The following BMP3 variants were observed in gnomAD, a reference collection of about 807,000 sequenced individuals.
BMP3 encodes the protein bone morphogenetic protein 3, also known as bone morphogenetic protein 3 (osteogenic).
In BMP3, 23 loss-of-function variants were observed where a neutral mutation model predicts 38.1. The observed-to-expected ratio is 0.60, with a 90% CI of 0.43 to 0.86. BMP3 has a LOEUF of 0.86. Among genes scored for constraint, BMP3 ranks in the 40% least tolerant of loss-of-function variants. BMP3 has a pLI of 0.00. For missense variants in BMP3, 628 were observed against 579.6 expected, an observed-to-expected ratio of 1.08 and a Z score of -0.86; for synonymous variants, 258 against 225.7, an observed-to-expected ratio of 1.14 and a Z score of -1.28.
At chr4:81,047,689 G>T (rs1489778972) in intron 2 of BMP3, among the ~76,000 whole-genome samples, 2 of 152,094 alleles carry the variant, frequency 1.3e-5, no homozygotes, top group Non-Finnish European at 2.9e-5. Flanking sequence ...ACCAACTTCT[G>T]CTTATGCATC....
intron 2 of BMP3, among the ~76,000 whole-genome samples, chr4:81,050,101 G>C (rs182865307): frequency 6.6e-6 from 1 of 152,294 alleles, no homozygotes; most frequent in East Asian, 1.9e-4. Context: ...GATAGTTTCT[G>C]GGCTATCACA....
rs774674756 is a variant in BMP3 at position 81,046,443 on chromosome 4, G to A, written c.1022G>A (p.Gly341Glu). 6.2e-7 allele frequency: 1 copy of A among 1,613,804 alleles called. No homozygotes were observed. Among genetic ancestry groups the A allele is most frequent in the South Asian group, 1.1e-5 (1 of 91,066 alleles). Residue 341 changes from glycine to glutamate, a missense_variant, in exon 2 of 3, where the codon GGG (glycine) becomes GAG (glutamate). Coordinates refer to ENST00000282701, the MANE Select transcript of BMP3 (RefSeq NM_001201.5). The part of the protein sequence containing the change: ...KSKNKKKQRK[G>E]PHRKSQTLQF... The stretch of plus-strand genomic sequence containing the variant: ...AAGAATAAAAAGAAACAGAGAAAGG[G>A]GCCTCATCGGAAGAGCCAGACGCTC...
intron 1 of BMP3, among the ~76,000 whole-genome samples, chr4:81,043,217 G>T (rs558983198): frequency 6.6e-6 from 1 of 152,308 alleles, no homozygotes; most frequent in Non-Finnish European, 1.5e-5. Context: ...AAGGGCTTAG[G>T]CTCTGGTGAC....
In BMP3 at chr4:81,053,605, T is replaced by TTTG. The variant is rs1740460849; in HGVS notation, c.*71_*72insGTT. The TTTG allele has an allele frequency of 1.4e-6, 1 of 689,762 alleles. No homozygotes were observed. Among genetic ancestry groups the TTTG allele is most frequent in the African/African-American group, 1.9e-5 (1 of 52,524 alleles). 42.7% of individuals were successfully genotyped at this position (689,762 alleles called of 1,614,324 possible). A position where few individuals can be genotyped will look rare whatever the true frequency, so the allele number is the denominator to read the frequency against. On this transcript the variant is annotated 3_prime_UTR_variant, in exon 3 of 3. Transcript: ENST00000282701. ...TATTTTTATGGACTTCTTCCTGTTT[T>TTTG]TTTTTTTTTTTTTTTTGCACTGCCA... is the stretch of plus-strand genomic sequence containing the variant.
intron 1 of BMP3, among the ~76,000 whole-genome samples, chr4:81,035,874 A>G (rs928231847): frequency 1.1e-4 from 17 of 152,092 alleles, no homozygotes; most frequent in African/African-American, 3.9e-4. Context: ...TTTCTCCTGG[A>G]GAAAGCATTT....
chr4:81,042,766 T>C (rs1740114104), intron 1 of BMP3, among the ~76,000 whole-genome samples: 1 of 152,248 alleles, frequency 6.6e-6, no homozygotes, highest in Non-Finnish European at 1.5e-5. Context: ...AGCATGTTTG[T>C]TTGGCAACCA....
chr4:81,032,259 G>C (rs978873924), intron 1 of BMP3, among the ~76,000 whole-genome samples: 1 of 145,702 alleles, frequency 6.9e-6, no homozygotes, highest in Non-Finnish European at 1.5e-5. Context: ...ACGCATCTGG[G>C]TAAACAGGGG....
chr4:81,050,137 T>C (rs1740367619), intron 2 of BMP3, among the ~76,000 whole-genome samples: 1 of 152,242 alleles, frequency 6.6e-6, no homozygotes, highest in Non-Finnish European at 1.5e-5. Context: ...CTGGAAGAAT[T>C]GTGGAGTAAA....
intron 2 of BMP3, among the ~76,000 whole-genome samples, chr4:81,051,480 T>TA (rs1389242130): frequency 6.6e-6 from 1 of 152,178 alleles, no homozygotes; most frequent in African/African-American, 2.4e-5. Flanking sequence ...CATTAAACAT[T>TA]AAAATAACAG....
In BMP3 at chr4:81,056,343, C is replaced by CA. The variant is rs1553914359; in HGVS notation, c.*2807_*2808insA. On this transcript the variant is annotated 3_prime_UTR_variant, in exon 3 of 3. Transcript: ENST00000282701. Reference sequence around the variant, plus strand: ...GTTACTGAAAAAAATAATTCTTTTTCTTTTTTTTTTTAAATGGAGTTTCAC... The same window carrying CA: ...GTTACTGAAAAAAATAATTCTTTTTCATTTTTTTTTTTAAATGGAGTTTCAC... The CA allele has an allele frequency of 1.4e-5, 2 of 146,204 alleles. No homozygotes were observed. The highest frequency in any genetic ancestry group is 2.5e-5 in the African/African-American group (1 of 39,960). The allele number at this position is 146,204 out of a possible 1,614,324, so 9.1% of individuals were successfully genotyped here.
At chr4:81,045,423 G>C (rs867047786) in intron 1 of BMP3, among the ~76,000 whole-genome samples, 9 of 151,134 alleles carry the variant, frequency 6.0e-5, no homozygotes, top group African/African-American at 2.2e-4. Flanking sequence ...TCACTTTCTT[G>C]ACAATGTCTT....
At chr4:81,033,597 G>A (rs1049103954) in intron 1 of BMP3, among the ~76,000 whole-genome samples, 2 of 152,180 alleles carry the variant, frequency 1.3e-5, no homozygotes, top group Admixed American at 6.5e-5. Context: ...GGAAGCTTAA[G>A]TGTCATGTTA....
chr4:81,038,409 G>A (rs1007343157), intron 1 of BMP3, among the ~76,000 whole-genome samples: 1 of 152,092 alleles, frequency 6.6e-6, no homozygotes, highest in Non-Finnish European at 1.5e-5. Flanking sequence ...ACCTAGCACA[G>A]TTTGCCATGT....
rs1219270540 is a variant in BMP3 at position 81,056,281 on chromosome 4, AC to A, written c.*2749del. ...CTCTTCCCCCACAAGTAATCTCTCT[AC>A]CCCATGCAGTGTGCACACACACACA... On this transcript the variant is annotated 3_prime_UTR_variant, in exon 3 of 3. Transcript: ENST00000282701. 6.6e-6 allele frequency: 1 copy of A among 150,830 alleles called. No homozygotes were observed. The highest frequency in any genetic ancestry group is 1.5e-5 in the Non-Finnish European group (1 of 67,816). The allele number at this position is 150,830 out of a possible 1,614,324, so 9.3% of individuals were successfully genotyped here.
chr4:81,037,126 T>C (rs552515916), intron 1 of BMP3, among the ~76,000 whole-genome samples: 63 of 152,170 alleles, frequency 4.1e-4, no homozygotes, highest in African/African-American at 1.4e-3. Flanking sequence ...TTCTTTTTAC[T>C]TTACTAAGGT....
chr4:81,046,407 C>G lies in BMP3; in HGVS notation c.986C>G (p.Pro329Arg). The change falls in exon 2 of 3, where the codon CCT becomes CGT. Residue 329 changes from proline to arginine, a missense_variant. Physicochemically the swap from Pro to Arg is moderately radical, Grantham distance 103. Transcript: ENST00000282701. ...KPYKTLQAQAPEKSKNKKKQR... is the reference protein window; with the variant it reads ...KPYKTLQAQAREKSKNKKKQR... The stretch of plus-strand genomic sequence containing the variant: ...TACAAGACCCTTCAGGCTCAGGCCC[C>G]TGAAAAGAGTAAGAATAAAAAGAAA... 2 of 1,613,806 alleles carry G rather than the reference C, an allele frequency of 1.2e-6. No individual in the cohort carries two copies. The highest frequency in any genetic ancestry group is 1.7e-6 in the Non-Finnish European group (2 of 1,179,964).
chr4:81,043,322 A>G (rs1007956853), intron 1 of BMP3, among the ~76,000 whole-genome samples: 1 of 152,180 alleles, frequency 6.6e-6, no homozygotes, highest in African/African-American at 2.4e-5. Flanking sequence ...GCACCTATTA[A>G]TAAATCTCTC....
intron 1 of BMP3, among the ~76,000 whole-genome samples, chr4:81,045,009 T>C (rs1246443985): frequency 1.3e-5 from 2 of 152,236 alleles, no homozygotes; most frequent in Non-Finnish European, 2.9e-5. Context: ...AATAATTCTA[T>C]GTTTAACTTT....
At chr4:81,051,567 T>G (rs1002831177) in intron 2 of BMP3, among the ~76,000 whole-genome samples, 7 of 152,196 alleles carry the variant, frequency 4.6e-5, no homozygotes, top group Admixed American at 4.6e-4. Flanking sequence ...TAAAAATAAC[T>G]TTAAATCAGT....
Sources: allele counts gnomAD v4.1 joint callset (sites outside exome capture counted in the v4.1 genomes callset), GRCh38; gene constraint gnomAD v4.1.1; transcripts MANE v1.5; gene names NCBI Gene and HGNC (gene_info 2026-07-23, HGNC 2026-07-21).